OXR1: variants seen among roughly 807,000 people sequenced by gnomAD.
OXR1 encodes the protein oxidation resistance protein 1.
In OXR1, 41 loss-of-function variants were observed where a neutral mutation model predicts 104.6. The observed-to-expected ratio is 0.39, with a 90% CI of 0.31 to 0.51. The LOEUF (loss-of-function observed/expected upper bound fraction) is 0.51, where lower values mean the gene tolerates loss of function less well. Ranked by LOEUF, OXR1 falls within the 20% of genes least tolerant of loss-of-function variation. The pLI is 0.77. For synonymous variants in OXR1, 348 were observed against 348.4 expected (o/e 1.00, Z 0.01); for missense variants, 955 against 1,031.9 (o/e 0.93, Z 1.02).
At chr8:106,405,727 A>G (rs1235185512) in intron 2 of OXR1, among the ~76,000 whole-genome samples, 1 of 152,196 alleles carries the variant, frequency 6.6e-6, no homozygotes, top group East Asian at 1.9e-4. Flanking sequence ...GCAAAGATCA[A>G]CAAAACCAAC....
At chr8:106,494,082 A>T (rs1811269241) in intron 2 of OXR1, among the ~76,000 whole-genome samples, 1 of 152,198 alleles carries the variant, frequency 6.6e-6, no homozygotes, top group Non-Finnish European at 1.5e-5. Flanking sequence ...GCATGTTATT[A>T]TTACTAAACC....
At chr8:106,479,053 G>T (rs1053345831) in intron 2 of OXR1, among the ~76,000 whole-genome samples, 3 of 151,906 alleles carry the variant, frequency 2.0e-5, no homozygotes, top group African/African-American at 7.2e-5. Flanking sequence ...AGGAGAAAAA[G>T]TGTGACTTCC....
chr8:106,294,065 T>A (rs913007765), intron 1 of OXR1, among the ~76,000 whole-genome samples: 1 of 146,376 alleles, frequency 6.8e-6, no homozygotes, highest in East Asian at 2.0e-4. Context: ...TGAAGTAGGG[T>A]CACAGGGTAT....
intron 7 of OXR1, among the ~76,000 whole-genome samples, chr8:106,697,079 G>A (rs770815552): frequency 8.5e-5 from 13 of 152,330 alleles, no homozygotes; most frequent in African/African-American, 1.9e-4. Context: ...TGGAATGAAC[G>A]GAGGGCACAG....
At chr8:106,683,766 C>G (rs1828416323) in intron 5 of OXR1, among the ~76,000 whole-genome samples, 1 of 152,102 alleles carries the variant, frequency 6.6e-6, no homozygotes, top group Non-Finnish European at 1.5e-5. Flanking sequence ...CTAGTTCAGA[C>G]TTTTTCACGC....
intron 2 of OXR1, chr8:106,448,089 G>A (rs1175507333): frequency 3.9e-6 from 6 of 1,533,398 alleles, no homozygotes; most frequent in Non-Finnish European, 5.2e-6. Flanking sequence ...GTTACTTCCT[G>A]TGTTATGAAG....
chr8:106,655,958 C>T (rs921336856), intron 3 of OXR1, among the ~76,000 whole-genome samples: 3 of 152,124 alleles, frequency 2.0e-5, no homozygotes, highest in Non-Finnish European at 4.4e-5. Flanking sequence ...TGTAAAAGTG[C>T]AGATCTAATC....
intron 1 of OXR1, among the ~76,000 whole-genome samples, chr8:106,336,183 G>A (rs1016441535): frequency 5.3e-5 from 8 of 152,198 alleles, no homozygotes; most frequent in Non-Finnish European, 5.9e-5. Context: ...AGTGGTGGCA[G>A]GGCTAGCCAA....
chr8:106,357,977 G>C (rs889194519), intron 1 of OXR1, among the ~76,000 whole-genome samples: 2 of 152,108 alleles, frequency 1.3e-5, no homozygotes, highest in Admixed American at 1.3e-4. Flanking sequence ...TAGGACACTA[G>C]ATGCCCGGAA....
At chr8:106,630,955 G>A (rs1009724357) in intron 3 of OXR1, among the ~76,000 whole-genome samples, 1 of 152,090 alleles carries the variant, frequency 6.6e-6, no homozygotes, top group Non-Finnish European at 1.5e-5. Context: ...AGGGACTTTT[G>A]GGGGTTGGTC....
intron 1 of OXR1, among the ~76,000 whole-genome samples, chr8:106,302,820 C>T (rs1276392279): frequency 1.3e-5 from 2 of 151,532 alleles, no homozygotes; most frequent in Non-Finnish European, 1.5e-5. Context: ...GGCGCCATCT[C>T]GGCTCACTGC....
intron 2 of OXR1, among the ~76,000 whole-genome samples, chr8:106,490,267 A>G (rs1022180191): frequency 1.3e-5 from 2 of 152,158 alleles, no homozygotes; most frequent in Non-Finnish European, 2.9e-5. Flanking sequence ...GGTCAGTGTC[A>G]TGAGAGAGAT....
intron 1 of OXR1, among the ~76,000 whole-genome samples, chr8:106,336,436 AAGC>A (rs1814969562): frequency 6.6e-6 from 1 of 152,202 alleles, no homozygotes; most frequent in Non-Finnish European, 1.5e-5. Context: ...CTCCCTATTG[AAGC>A]AGTAGATCTG....
At chr8:106,348,250 G>A (rs776737561) in intron 1 of OXR1, among the ~76,000 whole-genome samples, 3 of 152,102 alleles carry the variant, frequency 2.0e-5, no homozygotes, top group African/African-American at 2.4e-5. Context: ...CTTGGGCTGT[G>A]CTATGAAGGA....
At chr8:106,739,036 A>G (rs28924685) in intron 12 of OXR1, among the ~76,000 whole-genome samples, 4,871 of 151,080 alleles carry the variant, frequency 0.032, 271 homozygotes, top group African/African-American at 0.11. Context: ...TTTTTGACAA[A>G]TTTTGTGTTA....
At position 106,492,153 on chromosome 8, in the gene OXR1, C is replaced by T. The variant is rs544746616; in HGVS notation, c.24-26790C>T. Among the ~76,000 whole-genome samples the T allele has an allele frequency of 8.5e-5, 13 of 152,232 alleles. No individual in the cohort carries two copies. In the South Asian group the frequency reaches 2.5e-3, roughly 29 times the overall value. On this transcript the variant is annotated intron_variant, in intron 2 of 16. Coordinates refer to ENST00000517566, the MANE Select transcript of OXR1 (RefSeq NM_001198533.2). ...GTTTTCTTTGAAAATTTAAAATTCC[C>T]CTGATACCCTGAGGTGCCTGGGTCA...
At chr8:106,701,056 G>A (rs1160804558) in intron 7 of OXR1, among the ~76,000 whole-genome samples, 1 of 151,930 alleles carries the variant, frequency 6.6e-6, no homozygotes, top group Non-Finnish European at 1.5e-5. Context: ...TCTCTACAAT[G>A]TACTTTACCA....
chr8:106,404,570 G>A (rs1456812277), intron 2 of OXR1, among the ~76,000 whole-genome samples: 1 of 152,002 alleles, frequency 6.6e-6, no homozygotes, highest in Non-Finnish European at 1.5e-5. Context: ...ATAAAAACTG[G>A]GAATTGGAAC....
At chr8:106,538,980 G>A (rs143747782) in intron 3 of OXR1, among the ~76,000 whole-genome samples, 67 of 152,234 alleles carry the variant, frequency 4.4e-4, no homozygotes, top group African/African-American at 1.6e-3. Flanking sequence ...GCTTGCCCAA[G>A]GTTGCCTACC....
Sources: gnomAD v4.1 joint callset for allele counts (sites outside exome capture counted in the v4.1 genomes callset) on GRCh38, gnomAD v4.1.1 for gene constraint, MANE v1.5 for transcripts, NCBI Gene and HGNC (gene_info 2026-07-23, HGNC 2026-07-21) for gene names.